CDK6: variants seen among roughly 807,000 people sequenced by gnomAD.
CDK6 encodes the protein cyclin-dependent kinase 6.
CDK6 carries 6 observed loss-of-function variants against 37.1 expected under a neutral mutation model. The ratio of observed to expected loss-of-function variants is 0.16; its 90% CI spans 0.09 to 0.32. The LOEUF is 0.32. Ranked by LOEUF, CDK6 falls within the 10% of genes least tolerant of loss-of-function variation. The pLI is 1.00. For synonymous variants in CDK6, 160 were observed against 161.3 expected (o/e 0.99, Z 0.06); for missense variants, 224 against 418.9 (o/e 0.53, Z 4.06).
chr7:92,704,345 C>A (rs965196091), intron 4 of CDK6, among the ~76,000 whole-genome samples: 1 of 152,036 alleles, frequency 6.6e-6, no homozygotes, highest in Non-Finnish European at 1.5e-5. Flanking sequence ...TAAATAAGAA[C>A]TCAAGAGGTA....
chr7:92,766,839 T>C (rs1283749267), intron 3 of CDK6, among the ~76,000 whole-genome samples: 1 of 152,244 alleles, frequency 6.6e-6, no homozygotes, highest in Non-Finnish European at 1.5e-5. Flanking sequence ...TTCTAACTTA[T>C]CTGTTATTAG....
chr7:92,794,458 C>T (rs140559303), intron 2 of CDK6, among the ~76,000 whole-genome samples: 8 of 152,180 alleles, frequency 5.3e-5, no homozygotes, highest in Admixed American at 2.0e-4. Context: ...TTGCCCCACT[C>T]GCCACTCCAT....
intron 2 of CDK6, among the ~76,000 whole-genome samples, chr7:92,781,873 T>C (rs1363321422): frequency 6.6e-6 from 1 of 152,226 alleles, no homozygotes; most frequent in African/African-American, 2.4e-5. Context: ...TGACTATGTC[T>C]TGTATGCACC....
At chr7:92,651,287 G>A (rs1215587959) in intron 5 of CDK6, among the ~76,000 whole-genome samples, 6 of 152,140 alleles carry the variant, frequency 3.9e-5, no homozygotes, top group Non-Finnish European at 5.9e-5. Context: ...AATTACATCC[G>A]CAAAATCCCT....
rs369450379 is a variant in CDK6 at position 92,654,195 on chromosome 7, CT to C, written c.647+17230del. Among the ~76,000 whole-genome samples, 740 of 143,024 alleles carry C rather than the reference CT, an allele frequency of 5.2e-3. 3 individuals are homozygous for C. Among genetic ancestry groups the C allele is most frequent in the African/African-American group, 0.014 (556 of 39,572 alleles). 93.8% of individuals were successfully genotyped at this position (143,024 alleles called of 152,430 possible). A position where few individuals can be genotyped will look rare whatever the true frequency, so the allele number is the denominator to read the frequency against. On this transcript the variant is annotated intron_variant, in intron 5 of 7. Transcript: ENST00000424848. ...ATTTTAGAGTGTTCAATTCTTGTGG[CT>C]TTTTTTTTTTCTGTTTTAGAGAGTA...
chr7:92,794,276 C>T (rs1800351125), intron 2 of CDK6, among the ~76,000 whole-genome samples: 1 of 152,094 alleles, frequency 6.6e-6, no homozygotes, highest in African/African-American at 2.4e-5. Flanking sequence ...CAGGTACCAT[C>T]ATCTCTTTCA....
At chr7:92,779,368 A>G (rs1359513720) in intron 2 of CDK6, among the ~76,000 whole-genome samples, 7 of 152,226 alleles carry the variant, frequency 4.6e-5, no homozygotes, top group Admixed American at 4.6e-4. Context: ...GGTAGTTTTT[A>G]AAACATGGAA....
At chr7:92,707,629 T>A (rs1255803799) in intron 4 of CDK6, among the ~76,000 whole-genome samples, 3 of 152,242 alleles carry the variant, frequency 2.0e-5, no homozygotes, top group South Asian at 4.1e-4. Flanking sequence ...AAAGGACTTA[T>A]TCTCTTGGAA....
chr7:92,725,677 A>G lies in CDK6; in HGVS notation c.486T>C (p.Ala162=). The change falls in exon 4 of 8, where the codon GCT becomes GCC. Residue 162 remains alanine, a synonymous_variant. Transcript: ENST00000424848. The stretch of plus-strand genomic sequence containing the variant: ...TATAGATGCGGGCAAGGCCGAAGTC[A>G]GCGAGTTTTATTTGTCCGCTGCTGG... The part of the protein sequence containing the change: ...LVTSSGQIKL[A]DFGLARIYSF... 6.2e-7 allele frequency: 1 copy of G among 1,614,140 alleles called. No homozygotes were observed. Among genetic ancestry groups the G allele is most frequent in the Non-Finnish European group, 8.5e-7 (1 of 1,179,978 alleles).
At chr7:92,824,829 G>A (rs1267816884) in intron 2 of CDK6, among the ~76,000 whole-genome samples, 1 of 151,982 alleles carries the variant, frequency 6.6e-6, no homozygotes, top group Non-Finnish European at 1.5e-5. Context: ...AAACCACTAA[G>A]GTCTAAAGAG....
intron 3 of CDK6, among the ~76,000 whole-genome samples, chr7:92,741,155 A>G (rs1359520547): frequency 6.6e-6 from 1 of 152,202 alleles, no homozygotes; most frequent in Admixed American, 6.5e-5. Context: ...AGCAATTAGA[A>G]AGAACATGGG....
At chr7:92,717,670 C>A (rs1198857839) in intron 4 of CDK6, among the ~76,000 whole-genome samples, 4 of 152,168 alleles carry the variant, frequency 2.6e-5, no homozygotes, top group African/African-American at 9.7e-5. Context: ...TACAGTTGAA[C>A]TGTTTTTGTC....
At chr7:92,684,306 T>C (rs1797401934) in intron 4 of CDK6, among the ~76,000 whole-genome samples, 1 of 152,218 alleles carries the variant, frequency 6.6e-6, no homozygotes, top group African/African-American at 2.4e-5. Flanking sequence ...AAAAAGTTTG[T>C]ATTTCCAGAA....
At chr7:92,669,398 A>AT (rs1413179357) in intron 5 of CDK6, among the ~76,000 whole-genome samples, 2 of 152,222 alleles carry the variant, frequency 1.3e-5, no homozygotes, top group East Asian at 3.8e-4. Flanking sequence ...CATATATAAA[A>AT]TTTTATCTTT....
At chr7:92,783,858 T>C (rs1472943650) in intron 2 of CDK6, among the ~76,000 whole-genome samples, 1 of 152,190 alleles carries the variant, frequency 6.6e-6, no homozygotes, top group Non-Finnish European at 1.5e-5. Flanking sequence ...GTATATGGGA[T>C]GCCTATGTAC....
Position 92,703,187 on chromosome 7 carries a change from G to A in CDK6, c.537+22439C>T, listed in dbSNP as rs1477460166. On this transcript the variant is annotated intron_variant, in intron 4 of 7. Coordinates refer to ENST00000424848, the MANE Select transcript of CDK6 (RefSeq NM_001145306.2). ...ACCTGACACGAGAACTGTGATGGGT[G>A]AGGTGGAAGGTTAATCAGCTGCATT... Among the ~76,000 whole-genome samples the A allele has an allele frequency of 2.0e-5, 3 of 152,166 alleles. No individual in the cohort carries two copies. In the East Asian group the frequency reaches 5.8e-4, roughly 29 times the overall value.
intron 5 of CDK6, among the ~76,000 whole-genome samples, chr7:92,659,251 A>C (rs1796779500): frequency 6.6e-6 from 1 of 152,198 alleles, no homozygotes; most frequent in African/African-American, 2.4e-5. Flanking sequence ...GAGCACTTGA[A>C]ATGTGCTGAA....
intron 2 of CDK6, among the ~76,000 whole-genome samples, chr7:92,829,462 T>C (rs1352395176): frequency 6.6e-6 from 1 of 152,196 alleles, no homozygotes; most frequent in Non-Finnish European, 1.5e-5. Context: ...GATCCTATCA[T>C]GTATCAGGGT....
intron 3 of CDK6, among the ~76,000 whole-genome samples, chr7:92,767,349 T>C (rs1799608517): frequency 6.6e-6 from 1 of 152,210 alleles, no homozygotes; most frequent in South Asian, 2.1e-4. Context: ...TCCCTTGGAA[T>C]GAAAGATACT....
Sources: gnomAD v4.1 joint callset for allele counts (sites outside exome capture counted in the v4.1 genomes callset) on GRCh38, gnomAD v4.1.1 for gene constraint, MANE v1.5 for transcripts, NCBI Gene and HGNC (gene_info 2026-07-23, HGNC 2026-07-21) for gene names.